Variants in CDK17 observed in about 807,000 individuals in gnomAD.
CDK17 encodes the protein cyclin-dependent kinase 17.
In CDK17, 24 loss-of-function variants were observed where a neutral mutation model predicts 77.6. The ratio of observed to expected loss-of-function variants is 0.31; its 90% confidence interval spans 0.22 to 0.44. The LOEUF (loss-of-function observed/expected upper bound fraction) is 0.44. Among genes scored for constraint, CDK17 ranks in the 20% least tolerant of loss-of-function variants. The pLI is 1.00. For synonymous variants in CDK17, 203 were observed against 210.4 expected (o/e 0.96, Z 0.30); for missense variants, 429 against 622.5 (o/e 0.69, Z 3.31).
At chr12:96,302,060 T>A (rs1313541243) in intron 5 of CDK17, among the ~76,000 whole-genome samples, 1 of 152,132 alleles carries the variant, frequency 6.6e-6, no homozygotes, top group African/African-American at 2.4e-5. Flanking sequence ...CCTATGACGT[T>A]TTTCATAAAA....
At chr12:96,384,177 T>C (rs892061950) in intron 1 of CDK17, among the ~76,000 whole-genome samples, 1 of 152,088 alleles carries the variant, frequency 6.6e-6, no homozygotes, top group Non-Finnish European at 1.5e-5. Flanking sequence ...AATCATGAGA[T>C]AAAAGCAATG....
intron 1 of CDK17, among the ~76,000 whole-genome samples, chr12:96,382,652 T>C (rs1802159367): frequency 6.6e-6 from 1 of 152,120 alleles, no homozygotes; most frequent in African/African-American, 2.4e-5. Flanking sequence ...CATCAAAATG[T>C]TAATTCACCA....
At chr12:96,339,709 C>T (rs1236382260) in intron 1 of CDK17, among the ~76,000 whole-genome samples, 2 of 152,000 alleles carry the variant, frequency 1.3e-5, no homozygotes, top group Non-Finnish European at 2.9e-5. Flanking sequence ...GTGAGCGGAT[C>T]ACTTGAGGCC....
chr12:96,390,561 T>G (rs1365847432), intron 1 of CDK17, among the ~76,000 whole-genome samples: 1 of 148,968 alleles, frequency 6.7e-6, no homozygotes. Flanking sequence ...ATACAAAGAT[T>G]AGCCAGACAC....
At chr12:96,353,021 G>T (rs1207809868) in intron 1 of CDK17, among the ~76,000 whole-genome samples, 1 of 152,096 alleles carries the variant, frequency 6.6e-6, no homozygotes, top group African/African-American at 2.4e-5. Context: ...GTCAAATCTG[G>T]AAAGCTAAAT....
At chr12:96,314,730 T>C (rs1952687006) in intron 3 of CDK17, among the ~76,000 whole-genome samples, 1 of 152,224 alleles carries the variant, frequency 6.6e-6, no homozygotes, top group South Asian at 2.1e-4. Flanking sequence ...CACTATTACT[T>C]TCTATACACG....
chr12:96,377,793 A>C (rs1282123942), intron 1 of CDK17, among the ~76,000 whole-genome samples: 1 of 145,584 alleles, frequency 6.9e-6, no homozygotes, highest in African/African-American at 2.6e-5. Flanking sequence ...TCCCGGGTTC[A>C]CGCCATTCTC....
intron 13 of CDK17, among the ~76,000 whole-genome samples, chr12:96,285,379 G>A (rs1444557825): frequency 1.3e-5 from 2 of 152,076 alleles, no homozygotes; most frequent in Non-Finnish European, 2.9e-5. Context: ...TGTGAGCAAT[G>A]TGAATGGCTT....
chr12:96,344,889 C>T (rs1953178553), intron 1 of CDK17, among the ~76,000 whole-genome samples: 1 of 152,050 alleles, frequency 6.6e-6, no homozygotes. Context: ...CATAGGTAAA[C>T]ATGTGCCATG....
At chr12:96,286,529 T>C (rs1952248601) in intron 12 of CDK17, 135 bp downstream of exon 12, 1 of 595,910 alleles carries the variant, frequency 1.7e-6, no homozygotes, top group Non-Finnish European at 3.0e-6. Flanking sequence ...ATAGTGTCCA[T>C]TCTAATTATT....
Position 96,278,498 on chromosome 12 carries a change from C to G in CDK17, c.*1744G>C, listed in dbSNP as rs1237742999. 1 of 152,454 alleles carries G rather than the reference C, an allele frequency of 6.6e-6. No homozygotes were observed. Among genetic ancestry groups the G allele is most frequent in the Non-Finnish European group, 1.5e-5 (1 of 67,970 alleles). 9.4% of individuals were successfully genotyped at this position (152,454 alleles called of 1,614,324 possible). ...AGAACGACCCATAAAAGAAAAGGAC[C>G]CCACTCGGCACAGCCTTCATCCCCA... On this transcript the variant is annotated 3_prime_UTR_variant, in exon 17 of 17. Coordinates refer to ENST00000261211, the MANE Select transcript of CDK17 (RefSeq NM_002595.5).
intron 1 of CDK17, among the ~76,000 whole-genome samples, chr12:96,336,555 C>A (rs561054417): frequency 2.0e-5 from 3 of 152,230 alleles, no homozygotes; most frequent in Middle Eastern, 3.2e-3. Context: ...AGAGTTGCGA[C>A]TGCACTTTAA....
chr12:96,383,525 T>C (rs1334997100), intron 1 of CDK17, among the ~76,000 whole-genome samples: 1 of 151,606 alleles, frequency 6.6e-6, no homozygotes, highest in Non-Finnish European at 1.5e-5. Flanking sequence ...AACTAAACTG[T>C]AGGGCTAAAG....
At chr12:96,332,714 GA>G (rs1290279205) in intron 2 of CDK17, among the ~76,000 whole-genome samples, 3 of 152,132 alleles carry the variant, frequency 2.0e-5, no homozygotes, top group Non-Finnish European at 2.9e-5. Flanking sequence ...ATGACGTCTT[GA>G]AGTATTACTT....
intron 16 of CDK17, 139 bp downstream of exon 16, chr12:96,280,669 T>A (rs1952165759): frequency 1.5e-5 from 21 of 1,447,950 alleles, no homozygotes; most frequent in Non-Finnish European, 1.9e-5. Context: ...GTACGTGCAA[T>A]GCTAAACATA....
In CDK17 at chr12:96,311,193, AG is replaced by A; in HGVS notation, c.418-17del. ...TATTTAAATCCTTAAAAAAAAAAAA[AG>A]GTAATCCAAAATAGTAAAGGCAAGG... On this transcript the variant is annotated splice_polypyrimidine_tract_variant and intron_variant, in intron 4 of 16. Transcript: ENST00000261211. 1.3e-6 allele frequency: 2 copies of A among 1,513,194 alleles called. No homozygotes were observed. The highest frequency in any genetic ancestry group is 2.5e-5 in the East Asian group (1 of 40,242). 93.7% of individuals were successfully genotyped at this position (1,513,194 alleles called of 1,614,324 possible).
At chr12:96,367,344 CAAAAAAAAAAAAAAAA>C (rs56689330) in intron 1 of CDK17, among the ~76,000 whole-genome samples, 2 of 63,484 alleles carry the variant, frequency 3.2e-5, no homozygotes, top group African/African-American at 6.5e-5. Context: ...GACTCCACCT[CAAAAAAAAAAAAAAAA>C]AAAAAAAAAA....
rs368813268 is a variant in CDK17 at position 96,315,773 on chromosome 12, A to G, written c.284-2319T>C. Among the ~76,000 whole-genome samples the G allele has an allele frequency of 1.6e-4, 24 of 152,332 alleles. No homozygotes were observed. The South Asian group carries it at 4.8e-3, about 30-fold the overall frequency. ...CATAAATTGACTCTATCAGTGTCTT[A>G]GGAGAGGCTGCTGATGTTGATGAGA... On this transcript the variant is annotated intron_variant, in intron 3 of 16. Coordinates refer to ENST00000261211, the MANE Select transcript of CDK17 (RefSeq NM_002595.5).
At chr12:96,300,226 AC>A (rs1385503241) in intron 6 of CDK17, 77 bp downstream of exon 6, 5 of 965,420 alleles carry the variant, frequency 5.2e-6, no homozygotes, top group Non-Finnish European at 6.6e-6. Flanking sequence ...TTCCAGGTTA[AC>A]AAAAACCGTG....
Sources: gnomAD v4.1 joint callset for allele counts (sites outside exome capture counted in the v4.1 genomes callset) on GRCh38, gnomAD v4.1.1 for gene constraint, MANE v1.5 for transcripts, NCBI Gene and HGNC (gene_info 2026-07-23, HGNC 2026-07-21) for gene names.